Variants in SYT17 observed in about 807,000 individuals in gnomAD.
SYT17 encodes synaptotagmin-17.
A neutral mutation model predicts 46.7 loss-of-function variants in SYT17; 22 were observed. That is an observed-to-expected ratio of 0.47 (90% CI 0.34 to 0.67). SYT17 has a LOEUF of 0.67. SYT17 is among the 30% of genes least tolerant of loss of function. SYT17 has a pLI of 0.01. For missense variants in SYT17, 519 were observed against 612.8 expected, an observed-to-expected ratio of 0.85 and a Z score of 1.62; for synonymous variants, 251 against 248.4, an observed-to-expected ratio of 1.01 and a Z score of -0.10.
chr16:19,220,868 T>C (rs2142857051), intron 5 of SYT17, among the ~76,000 whole-genome samples: 1 of 152,066 alleles, frequency 6.6e-6, no homozygotes, highest in African/African-American at 2.4e-5. Context: ...CAGGCCAGGG[T>C]GATCAGACAT....
chr16:19,210,136 G>A (rs1965841449), intron 5 of SYT17, among the ~76,000 whole-genome samples: 1 of 152,008 alleles, frequency 6.6e-6, no homozygotes, highest in African/African-American at 2.4e-5. Flanking sequence ...TGTTACATAT[G>A]TAATATATAG....
At chr16:19,244,709 G>A (rs1404347665) in intron 7 of SYT17, among the ~76,000 whole-genome samples, 1 of 152,180 alleles carries the variant, frequency 6.6e-6, no homozygotes, top group African/African-American at 2.4e-5. Flanking sequence ...TGGTGATTCA[G>A]CGGCCCAGGC....
At chr16:19,206,080 T>C (rs1965660678) in intron 5 of SYT17, among the ~76,000 whole-genome samples, 1 of 152,146 alleles carries the variant, frequency 6.6e-6, no homozygotes, top group African/African-American at 2.4e-5. Flanking sequence ...TTGGGTTACA[T>C]AGTCAGTGTG....
intron 7 of SYT17, among the ~76,000 whole-genome samples, chr16:19,230,302 G>C (rs970373146): frequency 6.6e-6 from 1 of 151,992 alleles, no homozygotes; most frequent in African/African-American, 2.4e-5. Flanking sequence ...AGCTACTCGG[G>C]AGGCTGAGGT....
At chr16:19,245,821 A>G (rs971149140) in intron 7 of SYT17, among the ~76,000 whole-genome samples, 2 of 152,184 alleles carry the variant, frequency 1.3e-5, no homozygotes, top group Non-Finnish European at 2.9e-5. Flanking sequence ...GATGAGCAGA[A>G]TATCACCTGA....
chr16:19,174,631 T>C (rs1964242064), intron 3 of SYT17, among the ~76,000 whole-genome samples: 1 of 152,220 alleles, frequency 6.6e-6, no homozygotes, highest in African/African-American at 2.4e-5. Context: ...CCAGGCTCTG[T>C]GGTCTCAACT....
At chr16:19,235,660 T>C (rs1375823417) in intron 7 of SYT17, among the ~76,000 whole-genome samples, 1 of 152,214 alleles carries the variant, frequency 6.6e-6, no homozygotes, top group South Asian at 2.1e-4. Context: ...GCAACTATTA[T>C]AACCATGCTC....
At chr16:19,220,481 T>C (rs1241180585) in intron 5 of SYT17, among the ~76,000 whole-genome samples, 1 of 151,932 alleles carries the variant, frequency 6.6e-6, no homozygotes, top group Admixed American at 6.6e-5. Context: ...GTATTTTTAC[T>C]AGAGATGGGG....
At chr16:19,184,588 G>A (rs146529318) in intron 5 of SYT17, among the ~76,000 whole-genome samples, 1 of 151,380 alleles carries the variant, frequency 6.6e-6, no homozygotes, top group Non-Finnish European at 1.5e-5. Flanking sequence ...GTAGAGATGA[G>A]GTTTTCCGTG....
intron 7 of SYT17, among the ~76,000 whole-genome samples, chr16:19,263,640 CAAAAAAA>C (rs1157288423): frequency 0.04 from 1,576 of 39,274 alleles, 26 homozygotes; most frequent in African/African-American, 0.11. Flanking sequence ...AATTACAACT[CAAAAAAA>C]AAAAAAAAAA....
chr16:19,170,475 C>T (rs1193181114), intron 1 of SYT17: 1 of 152,116 alleles, frequency 6.6e-6, no homozygotes, highest in African/African-American at 2.4e-5. Context: ...AATTGGTTCT[C>T]TTCCATCGGT....
intron 5 of SYT17, among the ~76,000 whole-genome samples, chr16:19,205,437 A>ACTTT (rs1965630016): frequency 8.5e-6 from 1 of 118,108 alleles, no homozygotes. Flanking sequence ...GCCTTCCTTG[A>ACTTT]CTTTTTTTTT....
rs1157288423 is a variant in SYT17, at chr16:19,263,640, C to CAAA, written c.1229-3224_1229-3222dup. Among the ~76,000 whole-genome samples the CAAA allele has an allele frequency of 4.8e-3, 187 of 39,242 alleles. 1 individual carries two copies. Among genetic ancestry groups the CAAA allele is most frequent in the African/African-American group, 0.013 (178 of 13,304 alleles). 25.7% of individuals were successfully genotyped at this position (39,242 alleles called of 152,430 possible). A position where few individuals can be genotyped will look rare whatever the true frequency, so the allele number is the denominator to read the frequency against. ...GGGTGACAACAGTGAAATTACAACT[C>CAAA]AAAAAAAAAAAAAAAAAAGAAAAGA... is the stretch of plus-strand genomic sequence containing the variant. On this transcript the variant is annotated intron_variant, in intron 7 of 7. Coordinates refer to ENST00000355377, the MANE Select transcript of SYT17 (RefSeq NM_016524.4).
chr16:19,180,344 C>G (rs775092685), intron 3 of SYT17, 47 bp from the exon 4 acceptor site: 1 of 1,604,222 alleles, frequency 6.2e-7, no homozygotes, highest in South Asian at 1.1e-5. Context: ...AGATGCCAGT[C>G]CCCGGGGATT....
At chr16:19,237,695 C>G (rs1204544410) in intron 7 of SYT17, among the ~76,000 whole-genome samples, 1 of 152,238 alleles carries the variant, frequency 6.6e-6, no homozygotes, top group Non-Finnish European at 1.5e-5. Flanking sequence ...ACAGAGCTGT[C>G]ACACTGCTGC....
intron 7 of SYT17, chr16:19,250,084 T>C: frequency 6.6e-7 from 1 of 1,522,478 alleles, no homozygotes. Context: ...ATTGAGTTGG[T>C]TGTGTGTCTG....
At chr16:19,192,086 G>A (rs1223387991) in intron 5 of SYT17, among the ~76,000 whole-genome samples, 1 of 152,236 alleles carries the variant, frequency 6.6e-6, no homozygotes, top group African/African-American at 2.4e-5. Context: ...CGGCCGCACT[G>A]TACAATTCTT....
At chr16:19,173,028 G>A (rs1417007062) in intron 2 of SYT17, 4 of 580,480 alleles carry the variant, frequency 6.9e-6, no homozygotes, top group Admixed American at 7.0e-5. Context: ...TCATGTCACC[G>A]AGATTTTTTA....
intron 7 of SYT17, among the ~76,000 whole-genome samples, chr16:19,242,866 C>T (rs1201870178): frequency 2.0e-5 from 3 of 152,014 alleles, no homozygotes; most frequent in Non-Finnish European, 4.4e-5. Context: ...CATAGTGTGC[C>T]TAAGGCTGAT....
Sources: allele counts gnomAD v4.1 joint callset (sites outside exome capture counted in the v4.1 genomes callset), GRCh38; gene constraint gnomAD v4.1.1; transcripts MANE v1.5; gene names NCBI Gene and HGNC (gene_info 2026-07-23, HGNC 2026-07-21).